CNKSR2: variants seen among roughly 807,000 people sequenced by gnomAD.
The protein encoded by CNKSR2 is connector enhancer of kinase suppressor of Ras 2, also known as CNK homolog protein 2.
In CNKSR2, 14 loss-of-function variants were observed where a neutral mutation model predicts 84.4. That is an observed-to-expected ratio of 0.17 (90% CI 0.11 to 0.26). The LOEUF (loss-of-function observed/expected upper bound fraction) is 0.26, where lower values mean the gene tolerates loss of function less well. CNKSR2 is among the 10% of genes least tolerant of loss of function. The probability of loss-of-function intolerance (pLI) is 1.00; values close to 1 mark genes in which losing one functional copy is unlikely to be tolerated. For missense variants in CNKSR2, 485 were observed against 771.2 expected (o/e 0.63, Z 4.40); for synonymous variants, 275 against 277.9 (o/e 0.99, Z 0.10).
At chrX:21,533,535 A>T (rs906485714) in intron 11 of CNKSR2, among the ~76,000 whole-genome samples, 2 of 111,299 alleles carry the variant, frequency 1.8e-5, no homozygotes, top group Admixed American at 1.9e-4. Context: ...ACTTTATTTT[A>T]AAAAATGTTT....
chrX:21,517,111 G>A (rs1343906977), intron 9 of CNKSR2, among the ~76,000 whole-genome samples: 4 of 111,189 alleles, frequency 3.6e-5, no homozygotes, highest in Non-Finnish European at 5.7e-5. Context: ...CAAACTAGGC[G>A]CAGTGGCTCA....
chrX:21,378,354 A>G (rs1406882659), intron 1 of CNKSR2, among the ~76,000 whole-genome samples: 1 of 111,978 alleles, frequency 8.9e-6, no homozygotes, highest in Admixed American at 9.5e-5. Flanking sequence ...AACATAAACT[A>G]TTTTCAAGGT....
chrX:21,609,114 T>A lies in CNKSR2; in HGVS notation c.2189T>A (p.Leu730His). The A allele has an allele frequency of 8.3e-7, 1 of 1,210,877 alleles. No individual in the cohort carries two copies. The highest frequency in any genetic ancestry group is 1.1e-6 in the Non-Finnish European group (1 of 895,133). ...SPYVEAKHSR[L>H]SSTETSQSQS... ...TATGTGGAAGCAAAACATAGCCGAC[T>A]TTCCTCCACGGAGACTTCTCAGTCT... Residue 730 changes from leucine to histidine, a missense_variant, in exon 20 of 22, where the codon CTT (leucine) becomes CAT (histidine). Transcript: ENST00000379510.
At chrX:21,469,473 G>C (rs2091169499) in intron 4 of CNKSR2, among the ~76,000 whole-genome samples, 1 of 110,217 alleles carries the variant, frequency 9.1e-6, no homozygotes, top group African/African-American at 3.3e-5. Flanking sequence ...TTCCTTTTTT[G>C]TTAAAATTAA....
chrX:21,426,600 G>C lies in CNKSR2; in HGVS notation c.168G>C (p.Gly56=), dbSNP rs1437469566. The C allele has an allele frequency of 7.5e-6, 9 of 1,206,602 alleles. No individual in the cohort carries two copies. Among genetic ancestry groups the C allele is most frequent in the African/African-American group, 5.3e-5 (3 of 56,792 alleles). Reference sequence around the variant, plus strand: ...CACATCAGGAGCTAGAAGATCTGGGGGTCAGCCGCATTGGCCATCAGGAAC... The same window carrying C: ...CACATCAGGAGCTAGAAGATCTGGGCGTCAGCCGCATTGGCCATCAGGAAC... ...RITHQELEDL[G]VSRIGHQELI... is the part of the protein sequence containing the mutation. The change falls in exon 2 of 22, where the codon GGG becomes GGC. Residue 56 remains glycine (G), a synonymous_variant. Transcript: ENST00000379510.
chrX:21,376,070 A>G (rs2089809805), intron 1 of CNKSR2, among the ~76,000 whole-genome samples: 1 of 112,472 alleles, frequency 8.9e-6, no homozygotes, highest in Non-Finnish European at 1.9e-5. Flanking sequence ...AACTCTAGGT[A>G]GATCAGTCAG....
intron 5 of CNKSR2, among the ~76,000 whole-genome samples, chrX:21,477,083 G>A (rs1434370432): frequency 9.0e-6 from 1 of 111,457 alleles, no homozygotes; most frequent in Non-Finnish European, 1.9e-5. Flanking sequence ...TCCTCTGCTT[G>A]TCCCTGCCCT....
At chrX:21,445,380 C>G (rs192367231) in intron 4 of CNKSR2, among the ~76,000 whole-genome samples, 110 of 111,206 alleles carry the variant, frequency 9.9e-4, no homozygotes, top group African/African-American at 3.3e-3. Flanking sequence ...TGTATACAGT[C>G]TGTAATGATC....
intron 2 of CNKSR2, chrX:21,429,605 A>G (rs1368302451): frequency 9.0e-6 from 1 of 111,688 alleles, no homozygotes; most frequent in Non-Finnish European, 1.9e-5. Flanking sequence ...TGTAATTATA[A>G]AAATTAACCT....
intron 5 of CNKSR2, among the ~76,000 whole-genome samples, chrX:21,473,396 A>G (rs902304510): frequency 8.9e-6 from 1 of 111,992 alleles, no homozygotes; most frequent in Non-Finnish European, 1.9e-5. Flanking sequence ...AATAGTATAC[A>G]GTACCACTTA....
intron 11 of CNKSR2, among the ~76,000 whole-genome samples, chrX:21,548,989 G>A (rs1157616934): frequency 8.9e-6 from 1 of 112,469 alleles, no homozygotes; most frequent in Admixed American, 9.4e-5. Context: ...AAAGCTGGAA[G>A]CATTCCCTTT....
chrX:21,607,844 C>A (rs918354704), intron 19 of CNKSR2, among the ~76,000 whole-genome samples: 15 of 110,321 alleles, frequency 1.4e-4, no homozygotes, highest in Admixed American at 4.9e-4. Flanking sequence ...GGTCACATTG[C>A]CATAAGAAAC....
At chrX:21,390,010 C>A (rs887855276) in intron 1 of CNKSR2, among the ~76,000 whole-genome samples, 3 of 111,705 alleles carry the variant, frequency 2.7e-5, no homozygotes, top group African/African-American at 9.8e-5. Context: ...AAGTTAGCTC[C>A]ATCTTCTCAT....
chrX:21,532,166 G>C (rs757431712), intron 11 of CNKSR2, 99 bp downstream of exon 11: 2 of 533,437 alleles, frequency 3.7e-6, no homozygotes, highest in Non-Finnish European at 6.0e-6. Flanking sequence ...TTACTTAGGC[G>C]CTTTTGAATC....
chrX:21,564,673 A>G (rs1399254268), intron 13 of CNKSR2, among the ~76,000 whole-genome samples: 1 of 111,612 alleles, frequency 9.0e-6, no homozygotes, highest in East Asian at 2.8e-4. Flanking sequence ...ATAACTTACA[A>G]TTGAGTTGTT....
chrX:21,605,943 A>G (rs891001470), intron 18 of CNKSR2, among the ~76,000 whole-genome samples: 2 of 112,155 alleles, frequency 1.8e-5, no homozygotes, highest in South Asian at 7.4e-4. Flanking sequence ...TGTAAATCAT[A>G]TAAAGAATAA....
chrX:21,442,234 A>T (rs2090793690), intron 4 of CNKSR2, among the ~76,000 whole-genome samples: 1 of 109,816 alleles, frequency 9.1e-6, no homozygotes, highest in African/African-American at 3.3e-5. Context: ...TCATCACATA[A>T]GATTGGTTAT....
chrX:21,622,914 G>A, intron 20 of CNKSR2, among the ~76,000 whole-genome samples: 1 of 111,248 alleles, frequency 9.0e-6, no homozygotes, highest in Middle Eastern at 4.7e-3. Context: ...CAAATAATAG[G>A]AAACATGACA....
chrX:21,603,316 ATTAGG>A (rs1321568452), intron 18 of CNKSR2, among the ~76,000 whole-genome samples: 2 of 112,211 alleles, frequency 1.8e-5, no homozygotes, highest in Non-Finnish European at 3.8e-5. Flanking sequence ...CTCCTGAATG[ATTAGG>A]TTGCATGGTA....
Sources: gnomAD v4.1 joint callset for allele counts (sites outside exome capture counted in the v4.1 genomes callset) on GRCh38, gnomAD v4.1.1 for gene constraint, MANE v1.5 for transcripts, NCBI Gene and HGNC (gene_info 2026-07-23, HGNC 2026-07-21) for gene names.